The following MMP14 variants were observed in gnomAD, a reference collection of about 807,000 sequenced individuals.
MMP14 encodes matrix metallopeptidase 14.
In MMP14, 13 loss-of-function variants were observed where a neutral mutation model predicts 64.8. The ratio of observed to expected loss-of-function variants is 0.20; its 90% CI spans 0.13 to 0.32. MMP14 has a LOEUF of 0.32. Ranked by LOEUF, MMP14 falls within the 10% of genes least tolerant of loss-of-function variation. MMP14 has a pLI of 1.00. For synonymous variants in MMP14, 322 were observed against 315.9 expected, an observed-to-expected ratio of 1.02 and a Z score of -0.20; for missense variants, 594 against 783.8, an observed-to-expected ratio of 0.76 and a Z score of 2.89.
At position 22,844,196 on chromosome 14, in the gene MMP14, CA is replaced by C. The variant is rs33967775; in HGVS notation, c.1012-163del. Among the ~76,000 whole-genome samples the C allele has an allele frequency of 0.48, 66,393 of 139,142 alleles. 15,171 individuals are homozygous for C. The highest frequency in any genetic ancestry group is 0.53 in the South Asian group (2,219 of 4,188). 91.3% of individuals were successfully genotyped at this position (139,142 alleles called of 152,430 possible). A position where few individuals can be genotyped will look rare whatever the true frequency, so the allele number is the denominator to read the frequency against. Reference sequence around the variant, plus strand: ...TGGACAACAGTGTGAGACTCCATCTCAAAAAAAAAAAAGGCGGGGGGGTACT... The same window carrying C: ...TGGACAACAGTGTGAGACTCCATCTCAAAAAAAAAAAGGCGGGGGGGTACT... On this transcript the variant is annotated intron_variant, in intron 6 of 9. Coordinates refer to ENST00000311852, the MANE Select transcript of MMP14 (RefSeq NM_004995.4).
At chr14:22,845,166 G>A (rs2039803113) in intron 8 of MMP14, 85 bp from the exon 9 acceptor site, 1 of 929,882 alleles carries the variant, frequency 1.1e-6, no homozygotes, top group Non-Finnish European at 1.7e-6. Flanking sequence ...GCTATCCTTT[G>A]CCCACTGGTG....
chr14:22,844,518 G>A lies in MMP14; in HGVS notation c.1150+9G>A, dbSNP rs1566482767. 1.9e-6 allele frequency: 3 copies of A among 1,614,066 alleles called. No homozygotes were observed. The highest frequency in any genetic ancestry group is 2.5e-6 in the Non-Finnish European group (3 of 1,179,982). On this transcript the variant is annotated intron_variant, in intron 7 of 9. Coordinates refer to ENST00000311852, the MANE Select transcript of MMP14 (RefSeq NM_004995.4). ...ATTCGTCTTCTTCAAAGGTAACCAG[G>A]CACTCCACTTTAGTCTTTGGGAGTG...
intron 6 of MMP14, 107 bp from the exon 7 acceptor site, chr14:22,844,264 A>G: frequency 1.8e-5 from 28 of 1,517,884 alleles, no homozygotes; most frequent in Non-Finnish European, 2.4e-5. Flanking sequence ...CAGCTGGACT[A>G]AAAACTAAAA....
At chr14:22,839,962 C>CTTTTTTTTTTTTTTTTTT (rs577502772) in intron 1 of MMP14, among the ~76,000 whole-genome samples, 2 of 90,806 alleles carry the variant, frequency 2.2e-5, no homozygotes, top group Non-Finnish European at 2.0e-5. Flanking sequence ...GCTTGTTTTA[C>CTTTTTTTTTTTTTTTTTT]TTTTTTTTTT....
Position 22,845,253 on chromosome 14 carries a change from A to G in MMP14, c.1304A>G (p.Tyr435Cys). Residue 435 changes from tyrosine (Y) to cysteine (C), a missense_variant and splice_region_variant, in exon 9 of 10, where the codon TAC becomes TGC. Around this residue, in one of 4 missense-constraint regions of MMP14, gnomAD observed 364 missense variants for 425.2 expected, o/e 0.86. Transcript: ENST00000311852. ...GKTYFFRGNK[Y>C]YRFNEELRAV... is the part of the protein sequence containing the mutation. ...GCCCTTCCTTTCCCCTTCCCCAGGT[A>G]CTACCGTTTCAACGAAGAGCTCAGG... The G allele has an allele frequency of 1.9e-6, 3 of 1,612,062 alleles. No homozygotes were observed. The highest frequency in any genetic ancestry group is 8.5e-7 in the Non-Finnish European group (1 of 1,178,316).
intron 6 of MMP14, 100 bp from the exon 7 acceptor site, chr14:22,844,271 A>G (rs2039795690): frequency 6.5e-7 from 1 of 1,534,360 alleles, no homozygotes; most frequent in African/African-American, 1.4e-5. Flanking sequence ...ACTAAAAACT[A>G]AAACTGAGGA....
In MMP14 at chr14:22,841,804, G is replaced by A. The variant is rs1038604080; in HGVS notation, c.258-109G>A. Reference sequence around the variant, plus strand: ...TATTCACCCTGACCTCATAACCTTGGCCTTTCCCCACATTGACACACAGCA... The same window carrying A: ...TATTCACCCTGACCTCATAACCTTGACCTTTCCCCACATTGACACACAGCA... On this transcript the variant is annotated intron_variant, in intron 2 of 9. Transcript: ENST00000311852. 5.9e-5 allele frequency: 92 copies of A among 1,563,244 alleles called. 2 individuals carry two copies. Among genetic ancestry groups the A allele is most frequent in the South Asian group, 3.9e-4 (33 of 84,958 alleles).
Position 22,844,784 on chromosome 14 carries a change from A to G in MMP14, c.1301+4A>G. ...CCTACTTCTTCCGTGGAAACAAGTA[A>G]GACCTCAACCCCTTAACCCCAGGCC... On this transcript the variant is annotated splice_donor_region_variant and intron_variant, in intron 8 of 9. Transcript: ENST00000311852. The G allele has an allele frequency of 1.2e-6, 2 of 1,614,098 alleles. No individual in the cohort carries two copies. Among genetic ancestry groups the G allele is most frequent in the Non-Finnish European group, 1.7e-6 (2 of 1,180,002 alleles).
rs2039810956 is a variant in MMP14, at chr14:22,846,011, G to A, written c.1721G>A (p.Cys574Tyr). Residue 574 changes from cysteine (C) to tyrosine (Y), a missense_variant, in exon 10 of 10, where the codon TGC becomes TAC. Cys to Tyr is a radical substitution (Grantham distance 194, BLOSUM62 -2). Transcript: ENST00000311852. ...RHGTPRRLLY[C>Y]QRSLLDKV ...GGGACCCCCAGGCGACTGCTCTACT[G>A]CCAGCGTTCCCTGCTGGACAAGGTC... 1.3e-6 allele frequency: 2 copies of A among 1,513,890 alleles called. No individual in the cohort carries two copies. Among genetic ancestry groups the A allele is most frequent in the Admixed American group, 2.1e-5 (1 of 47,786 alleles). The allele number at this position is 1,513,890 out of a possible 1,614,324, so 93.8% of individuals were successfully genotyped here.
chr14:22,838,856 G>C (rs536080776), intron 1 of MMP14, among the ~76,000 whole-genome samples: 2 of 152,182 alleles, frequency 1.3e-5, no homozygotes, highest in African/African-American at 4.8e-5. Flanking sequence ...CTAGGCCTGG[G>C]GGGAGGAGAG....
At chr14:22,837,499 C>A in intron 1 of MMP14, 2 of 435,170 alleles carry the variant, frequency 4.6e-6, no homozygotes, top group South Asian at 1.6e-5. Context: ...CCCGAGAGGA[C>A]CCCGCTGTGT....
At chr14:22,845,556 T>A in intron 9 of MMP14, 152 bp from the exon 10 acceptor site, 1 of 937,734 alleles carries the variant, frequency 1.1e-6, no homozygotes, top group South Asian at 1.5e-5. Context: ...CCTGGTACTA[T>A]AAGCACCCCC....
chr14:22,840,570 G>A (rs977249994), intron 1 of MMP14, among the ~76,000 whole-genome samples: 4 of 151,170 alleles, frequency 2.6e-5, no homozygotes, highest in African/African-American at 4.9e-5. Flanking sequence ...GTGCAGTGGC[G>A]CAATCTCAGC....
chr14:22,843,780 T>C lies in MMP14; in HGVS notation c.921T>C (p.Asp307=), dbSNP rs148532730. Reference sequence around the variant, plus strand: ...CTACCTCCCGGCCTTCTGTTCCTGATAAACCCAAAAACCCCACCTATGGGC... The same window carrying C: ...CTACCTCCCGGCCTTCTGTTCCTGACAAACCCAAAAACCCCACCTATGGGC... ...PRTTSRPSVP[D]KPKNPTYGPN... is the part of the protein sequence containing the mutation. The change falls in exon 6 of 10, where the codon GAT becomes GAC. Residue 307 remains aspartate (D), a synonymous_variant. Transcript: ENST00000311852. The surrounding 1 kb of genome is among the most constrained non-coding windows in gnomAD (Gnocchi z 4.8). The C allele has an allele frequency of 3.1e-6, 5 of 1,613,496 alleles. No individual in the cohort carries two copies. The African/African-American group carries it at 4.0e-5, about 13-fold the overall frequency.
rs1420532387 is a variant in MMP14, at chr14:22,842,165, A to T, written c.380+130A>T. 17 of 1,322,432 alleles carry T rather than the reference A, an allele frequency of 1.3e-5. No homozygotes were observed. Among genetic ancestry groups the T allele is most frequent in the Non-Finnish European group, 1.7e-5 (16 of 950,190 alleles). The allele number at this position is 1,322,432 out of a possible 1,614,324, so 81.9% of individuals were successfully genotyped here. A position where few individuals can be genotyped will look rare whatever the true frequency, so the allele number is the denominator to read the frequency against. ...CTGGGAAGCATCCGTGGGAGTGGGG[A>T]GGAAAATGGCTCTCATCCTTGAGAG... On this transcript the variant is annotated intron_variant, in intron 3 of 9. Coordinates refer to ENST00000311852, the MANE Select transcript of MMP14 (RefSeq NM_004995.4). The surrounding 1 kb of genome is among the most constrained non-coding windows in gnomAD (Gnocchi z 5.3).
intron 8 of MMP14, 116 bp from the exon 9 acceptor site, chr14:22,845,135 C>T (rs1424805832): frequency 4.0e-6 from 3 of 752,872 alleles, no homozygotes; most frequent in South Asian, 3.5e-5. Context: ...ACTCAAAACC[C>T]CTGTCCCCAC....
Position 22,843,888 on chromosome 14 carries a change from G to T in MMP14, c.1011+18G>T. 1.9e-6 allele frequency: 3 copies of T among 1,605,502 alleles called. No homozygotes were observed. The highest frequency in any genetic ancestry group is 2.5e-6 in the Non-Finnish European group (3 of 1,177,936). On this transcript the variant is annotated intron_variant, in intron 6 of 9. Coordinates refer to ENST00000311852, the MANE Select transcript of MMP14 (RefSeq NM_004995.4). The surrounding 1 kb of genome is among the most constrained non-coding windows in gnomAD (Gnocchi z 4.8). ...TCTTCAAGGTGAGAAGAAGTGGGCT[G>T]GTTTGAAAGACAAAAGGGCCCTATG...
intron 1 of MMP14, among the ~76,000 whole-genome samples, chr14:22,840,512 CT>C (rs768214975): frequency 3.8e-3 from 544 of 143,906 alleles, no homozygotes; most frequent in African/African-American, 7.9e-3. Flanking sequence ...TGTTGAGAAT[CT>C]TTTTTTTTTT....
Position 22,845,371 on chromosome 14 carries a change from GA to G in MMP14, c.1417+6del, listed in dbSNP as rs780270656. 3.8e-6 allele frequency: 6 copies of G among 1,590,010 alleles called. No homozygotes were observed. Among genetic ancestry groups the G allele is most frequent in the African/African-American group, 1.3e-5 (1 of 74,460 alleles). On this transcript the variant is annotated splice_donor_region_variant and intron_variant, in intron 9 of 9. Transcript: ENST00000311852. ...CATTCATGGGCAGCGATGAAGGTGA[GA>G]GGGGCAAGGGAAGGTGTCGCTGAGA...
Sources: gnomAD v4.1 joint callset for allele counts (sites outside exome capture counted in the v4.1 genomes callset) on GRCh38, gnomAD v4.1.1 for gene constraint, gnomAD v4.1.1 regional missense constraint, Gnocchi (gnomAD v3.1) non-coding constraint, MANE v1.5 for transcripts, NCBI Gene and HGNC (gene_info 2026-07-23, HGNC 2026-07-21) for gene names.